Variants in DDX10 observed in about 807,000 individuals in gnomAD.
DDX10 encodes the protein DEAD-box helicase 10, also known as probable ATP-dependent RNA helicase DDX10.
In DDX10, 74 loss-of-function variants were observed where a neutral mutation model predicts 104.3. That is an observed-to-expected ratio of 0.71 (90% CI 0.59 to 0.86). The LOEUF is 0.86. DDX10 is among the 40% of genes least tolerant of loss of function. The pLI, the probability that DDX10 is intolerant of heterozygous loss-of-function variation, is 0.00. For synonymous variants in DDX10, 351 were observed against 353.4 expected, an observed-to-expected ratio of 0.99 and a Z score of 0.08; for missense variants, 952 against 1,040.0, an observed-to-expected ratio of 0.92 and a Z score of 1.16.
intron 13 of DDX10, among the ~76,000 whole-genome samples, chr11:108,738,743 T>A (rs2094321361): frequency 6.6e-6 from 1 of 152,202 alleles, no homozygotes; most frequent in Admixed American, 6.5e-5. Flanking sequence ...TTTCTAGGTT[T>A]CAAGAATTAT....
intron 9 of DDX10, among the ~76,000 whole-genome samples, chr11:108,701,245 T>C (rs184726769): frequency 2.0e-4 from 30 of 152,212 alleles, no homozygotes; most frequent in South Asian, 1.9e-3. Context: ...AACAGAACAG[T>C]TGGACTCAGA....
intron 6 of DDX10, among the ~76,000 whole-genome samples, chr11:108,683,469 C>G (rs1437282684): frequency 1.3e-5 from 2 of 152,162 alleles, no homozygotes; most frequent in Non-Finnish European, 2.9e-5. Context: ...GGGCTTGGCT[C>G]AGGGCATTTC....
At position 108,723,165 on chromosome 11, in the gene DDX10, G is replaced by A. The variant is rs980493586; in HGVS notation, c.1668G>A (p.Met556Ile). The A allele has an allele frequency of 6.2e-7, 1 of 1,613,798 alleles. No homozygotes were observed. The highest frequency in any genetic ancestry group is 8.5e-7 in the Non-Finnish European group (1 of 1,179,864). Residue 556 changes from methionine (M) to isoleucine (I), a missense_variant, in exon 13 of 18, where the codon ATG becomes ATA. By Grantham distance (10) the Met-to-Ile change is conservative. Transcript: ENST00000322536. ...EEFRAYFNEK[M>I]SILQKGGKRL... ...TTAGAGCCTACTTCAATGAGAAAAT[G>A]TCCATCCTTCAAAAAGGTGGAAAAA...
At chr11:108,683,145 G>T (rs2094237915) in intron 6 of DDX10, among the ~76,000 whole-genome samples, 1 of 152,112 alleles carries the variant, frequency 6.6e-6, no homozygotes, top group Non-Finnish European at 1.5e-5. Flanking sequence ...AAAGACTGAG[G>T]TATCTACCAG....
Position 108,691,956 on chromosome 11 carries a change from GAGA to G in DDX10, c.1061_1063del (p.Arg354del). The G allele has an allele frequency of 6.2e-7, 1 of 1,614,170 alleles. No homozygotes were observed. The highest frequency in any genetic ancestry group is 8.5e-7 in the Non-Finnish European group (1 of 1,180,024). ...CACTCCATGGTCGACAGCAGCAAATGAGAAGAATGGAAGTCTATAATGAGTTTG... is the reference window on the plus strand; with the variant it reads ...CACTCCATGGTCGACAGCAGCAAATGAGAATGGAAGTCTATAATGAGTTTG... On this transcript the variant is annotated inframe_deletion, in exon 8 of 18. Coordinates refer to ENST00000322536, the MANE Select transcript of DDX10 (RefSeq NM_004398.4).
intron 5 of DDX10, among the ~76,000 whole-genome samples, chr11:108,679,100 G>A (rs1759201529): frequency 6.6e-6 from 1 of 151,814 alleles, no homozygotes; most frequent in African/African-American, 2.4e-5. Flanking sequence ...CTTGTGATCT[G>A]CCCACCTTGG....
chr11:108,684,140 T>C (rs1160455096), intron 6 of DDX10, among the ~76,000 whole-genome samples: 2 of 89,732 alleles, frequency 2.2e-5, no homozygotes, highest in Admixed American at 3.0e-4. Context: ...TATTTCCAGT[T>C]CTTTTTTTTT....
At position 108,717,045 on chromosome 11, in the gene DDX10, T is replaced by C. The variant is rs145144142; in HGVS notation, c.1410+1079T>C. On this transcript the variant is annotated intron_variant, in intron 11 of 17. Transcript: ENST00000322536. Reference sequence around the variant, plus strand: ...GAATTAACAGATATTTGAGTTCTTATCATTTTCACCTGTCCTTTATTGCCA... The same window carrying C: ...GAATTAACAGATATTTGAGTTCTTACCATTTTCACCTGTCCTTTATTGCCA... 2.0e-5 allele frequency among the ~76,000 whole-genome samples: 3 copies of C among 152,316 alleles called. No homozygotes were observed. The East Asian group carries it at 5.8e-4, about 29-fold the overall frequency.
chr11:108,820,505 C>T lies in DDX10; in HGVS notation c.1966-17941C>T, dbSNP rs559805660. On this transcript the variant is annotated intron_variant, in intron 13 of 17. Coordinates refer to ENST00000322536, the MANE Select transcript of DDX10 (RefSeq NM_004398.4). Reference sequence around the variant, plus strand: ...GAGATATCCCTTCCGTTACTATTCTCCCTTCTTTTAGAATAAGTGGCCGGT... The same window carrying T: ...GAGATATCCCTTCCGTTACTATTCTTCCTTCTTTTAGAATAAGTGGCCGGT... Among the ~76,000 whole-genome samples, 353 of 152,306 alleles carry T rather than the reference C, an allele frequency of 2.3e-3. 3 individuals are homozygous for T. The highest frequency in any genetic ancestry group is 0.021 in the South Asian group (99 of 4,826).
At chr11:108,857,121 C>T (rs905815449) in intron 16 of DDX10, among the ~76,000 whole-genome samples, 8 of 152,210 alleles carry the variant, frequency 5.3e-5, no homozygotes, top group African/African-American at 1.9e-4. Context: ...TATATGCCCC[C>T]AGGTTTCCTG....
At chr11:108,837,512 T>A (rs949979803) in intron 13 of DDX10, among the ~76,000 whole-genome samples, 48 of 151,870 alleles carry the variant, frequency 3.2e-4, no homozygotes, top group African/African-American at 1.0e-3. Context: ...TGGCTTTGAA[T>A]TTTTAGTATC....
chr11:108,675,835 A>G, intron 3 of DDX10, 109 bp downstream of exon 3: 1 of 1,368,164 alleles, frequency 7.3e-7, no homozygotes, highest in Non-Finnish European at 1.0e-6. Flanking sequence ...TTCATGATAG[A>G]TTGGCTAGAA....
At chr11:108,723,532 G>C in intron 13 of DDX10, 70 bp downstream of exon 13, 1 of 1,457,166 alleles carries the variant, frequency 6.9e-7, no homozygotes, top group Non-Finnish European at 9.1e-7. Context: ...GCCTTTTGGG[G>C]ACTGAGAGAA....
At chr11:108,845,551 T>A (rs1285192223) in intron 15 of DDX10, among the ~76,000 whole-genome samples, 1 of 152,022 alleles carries the variant, frequency 6.6e-6, no homozygotes, top group East Asian at 1.9e-4. Context: ...ATATTGAAAA[T>A]ACTGACAACA....
intron 13 of DDX10, among the ~76,000 whole-genome samples, chr11:108,781,378 T>C (rs2094377888): frequency 6.6e-6 from 1 of 152,204 alleles, no homozygotes; most frequent in Admixed American, 6.5e-5. Context: ...TGTGAGTGCA[T>C]GTGTCTTTTT....
chr11:108,695,727 T>C (rs893597228), intron 9 of DDX10, among the ~76,000 whole-genome samples: 1 of 152,094 alleles, frequency 6.6e-6, no homozygotes, highest in Non-Finnish European at 1.5e-5. Flanking sequence ...TATTTAATTT[T>C]CATAAGATGT....
At chr11:108,745,230 CCTTTCT>C (rs1392698795) in intron 13 of DDX10, among the ~76,000 whole-genome samples, 5 of 137,856 alleles carry the variant, frequency 3.6e-5, no homozygotes, top group Admixed American at 7.4e-5. Flanking sequence ...CCTTTCCTTC[CCTTTCT>C]CTTTCCCTTC....
At chr11:108,755,127 G>C (rs957632780) in intron 13 of DDX10, among the ~76,000 whole-genome samples, 2 of 151,992 alleles carry the variant, frequency 1.3e-5, no homozygotes, top group African/African-American at 2.4e-5. Flanking sequence ...CTTGGCAGGA[G>C]ATGTTGCTTT....
rs1328919425 is a variant in DDX10, at chr11:108,678,491, G to C, written c.658+56G>C. The C allele has an allele frequency of 4.2e-6, 6 of 1,415,392 alleles. No individual in the cohort carries two copies. In the Admixed American group the frequency reaches 1.0e-4, roughly 24 times the overall value. 87.7% of individuals were successfully genotyped at this position (1,415,392 alleles called of 1,614,324 possible). On this transcript the variant is annotated intron_variant, in intron 5 of 17. Transcript: ENST00000322536. ...AAAAAAAGCTCAGACTTAGGAGAGA[G>C]CCCTTATACATTTTTATGATAGAAA...
Sources: gnomAD v4.1 joint callset for allele counts (sites outside exome capture counted in the v4.1 genomes callset) on GRCh38, gnomAD v4.1.1 for gene constraint, MANE v1.5 for transcripts, NCBI Gene and HGNC (gene_info 2026-07-23, HGNC 2026-07-21) for gene names.